Variants in MORN5 observed in about 807,000 individuals in gnomAD.
MORN5 encodes MORN repeat-containing protein 5.
MORN5 carries 21 observed loss-of-function variants against 22.1 expected under a neutral mutation model. The ratio of observed to expected loss-of-function variants is 0.95; its 90% CI spans 0.67 to 1.37. The LOEUF is 1.37. Among genes scored for constraint, MORN5 ranks in the 40% most tolerant of loss-of-function variants. MORN5 has a pLI of 0.00. For missense variants in MORN5, 211 were observed against 215.1 expected (o/e 0.98, Z 0.12); for synonymous variants, 73 against 74.0 (o/e 0.99, Z 0.07).
intron 4 of MORN5, among the ~76,000 whole-genome samples, chr9:122,198,672 A>G (rs1015144311): frequency 6.6e-6 from 1 of 152,326 alleles, no homozygotes; most frequent in African/African-American, 2.4e-5. Flanking sequence ...TTCTCCACGT[A>G]TCTGTGAAGG....
rs915868811 is a variant in MORN5 at position 122,195,647 on chromosome 9, G to A, written c.440-4238G>A. ...TATCAAGGGTCCAGACTGTCACCAC[G>A]ACTTACCAATGTTGCTGTTAACATT... On this transcript the variant is annotated intron_variant, in intron 4 of 4. Transcript: ENST00000373764. Among the ~76,000 whole-genome samples the A allele has an allele frequency of 1.3e-4, 20 of 152,258 alleles. No homozygotes were observed. The South Asian group carries it at 3.9e-3, about 30-fold the overall frequency.
At chr9:122,167,699 T>G (rs1829308302) in intron 2 of MORN5, among the ~76,000 whole-genome samples, 1 of 152,202 alleles carries the variant, frequency 6.6e-6, no homozygotes, top group Non-Finnish European at 1.5e-5. Context: ...TTAGTTGCAT[T>G]AGTTATGTGT....
chr9:122,168,530 G>T (rs1044402519), intron 2 of MORN5, among the ~76,000 whole-genome samples: 6 of 152,194 alleles, frequency 3.9e-5, no homozygotes, highest in African/African-American at 1.4e-4. Context: ...TAAGCCCCAG[G>T]AAGGGGATGT....
chr9:122,160,005 A>C lies in MORN5; in HGVS notation c.33A>C (p.Glu11Asp), dbSNP rs775648008. 29 of 1,613,774 alleles carry C rather than the reference A, an allele frequency of 1.8e-5. No homozygotes were observed. In the South Asian group the frequency reaches 2.9e-4, roughly 16 times the overall value. The change falls in exon 1 of 5, where the codon GAA (glutamate) becomes GAC (aspartate). Residue 11 changes from glutamate (E) to aspartate (D), a missense_variant. Transcript: ENST00000373764. Reference sequence around the variant, plus strand: ...ACACAGGGAGCAAATATATCGGGGAATATGTAGATGGGAGGTAAGGGGCTC... The same window carrying C: ...ACACAGGGAGCAAATATATCGGGGACTATGTAGATGGGAGGTAAGGGGCTC... MEYTGSKYIG[E>D]YVDGRMEGKA...
In MORN5 at chr9:122,178,627, G is replaced by C. The variant is rs985118019; in HGVS notation, c.439+4000G>C. Among the ~76,000 whole-genome samples the C allele has an allele frequency of 4.6e-5, 7 of 152,188 alleles. No homozygotes were observed. The South Asian group carries it at 1.4e-3, about 31-fold the overall frequency. ...TTCTCTTTCTGTAACTGGTCACAAG[G>C]CTGTAGTTAATATTCATAAATTCCT... is the stretch of plus-strand genomic sequence containing the variant. On this transcript the variant is annotated intron_variant, in intron 4 of 4. Coordinates refer to ENST00000373764, the MANE Select transcript of MORN5 (RefSeq NM_198469.4).
intron 2 of MORN5, 134 bp downstream of exon 2, chr9:122,167,049 C>A: frequency 3.9e-6 from 3 of 759,668 alleles, no homozygotes; most frequent in Non-Finnish European, 5.8e-6. Context: ...CTCCCCCACT[C>A]CCCCCACTTT....
At position 122,175,799 on chromosome 9, in the gene MORN5, G is replaced by T. The variant is rs1430275671; in HGVS notation, c.439+1172G>T. 15 of 727,588 alleles carry T rather than the reference G, an allele frequency of 2.1e-5. No homozygotes were observed. The East Asian group carries it at 1.8e-3, about 89-fold the overall frequency. The allele number at this position is 727,588 out of a possible 1,614,324, so 45.1% of individuals were successfully genotyped here. On this transcript the variant is annotated intron_variant, in intron 4 of 4. Transcript: ENST00000373764. The stretch of plus-strand genomic sequence containing the variant: ...TCAGTAAGTCAGTGATGACCAGAAA[G>T]GTGCCTCATGGGGCTAGAATAAGAG...
intron 4 of MORN5, among the ~76,000 whole-genome samples, chr9:122,180,650 C>A (rs1011594848): frequency 2.6e-5 from 4 of 152,178 alleles, no homozygotes; most frequent in Non-Finnish European, 5.9e-5. Context: ...GATTTCACAA[C>A]CTTTTCAAAG....
chr9:122,184,667 C>G (rs1829585919), intron 4 of MORN5, among the ~76,000 whole-genome samples: 1 of 152,146 alleles, frequency 6.6e-6, no homozygotes, highest in South Asian at 2.1e-4. Context: ...TGGTCTAAGC[C>G]CTTTACATAT....
chr9:122,167,159 TGCCTCA>T (rs1469369700), intron 2 of MORN5, among the ~76,000 whole-genome samples: 1 of 150,784 alleles, frequency 6.6e-6, no homozygotes, highest in African/African-American at 2.4e-5. Context: ...GCGAGTCTCC[TGCCTCA>T]GCCTCCCGAG....
At position 122,166,792 on chromosome 9, in the gene MORN5, C is replaced by A. The variant is rs141317577; in HGVS notation, c.72C>A (p.Ile24=). Residue 24 remains isoleucine (I), a synonymous_variant, in exon 2 of 5, where the codon ATC becomes ATA. Transcript: ENST00000373764. ...DGRMEGKAKY[I]LPTETIYVGE... is the part of the protein sequence containing the mutation. ...GGATGGAGGGCAAAGCCAAGTACAT[C>A]CTCCCTACCGAAACAATATATGTTG... is the stretch of plus-strand genomic sequence containing the variant. 2.5e-6 allele frequency: 4 copies of A among 1,613,746 alleles called. No homozygotes were observed. The highest frequency in any genetic ancestry group is 2.5e-6 in the Non-Finnish European group (3 of 1,179,844).
intron 3 of MORN5, among the ~76,000 whole-genome samples, chr9:122,173,154 G>A (rs906449824): frequency 6.6e-6 from 1 of 152,088 alleles, no homozygotes; most frequent in African/African-American, 2.4e-5. Context: ...GGCTCTCCCC[G>A]AACATGCCTG....
intron 1 of MORN5, among the ~76,000 whole-genome samples, chr9:122,162,265 A>AT (rs938532416): frequency 6.6e-6 from 1 of 152,088 alleles, no homozygotes. Context: ...TACTCAATCA[A>AT]TTTTTTTTAA....
rs74628593 is a variant in MORN5 at position 122,178,562 on chromosome 9, C to A, written c.439+3935C>A. 6.6e-5 allele frequency among the ~76,000 whole-genome samples: 10 copies of A among 152,278 alleles called. No individual in the cohort carries two copies. The East Asian group carries it at 1.7e-3, about 26-fold the overall frequency. ...GATGACATAGATACAGATAGACATACACATACAAGCAAGGAGAAAAAACTG... is the reference window on the plus strand; with the variant it reads ...GATGACATAGATACAGATAGACATAAACATACAAGCAAGGAGAAAAAACTG... On this transcript the variant is annotated intron_variant, in intron 4 of 4. Transcript: ENST00000373764.
intron 4 of MORN5, among the ~76,000 whole-genome samples, chr9:122,199,583 C>T (rs937856349): frequency 3.3e-5 from 5 of 152,132 alleles, no homozygotes; most frequent in Admixed American, 1.3e-4. Context: ...GGCAAGTGCC[C>T]GACTGTGAAG....
At chr9:122,180,203 A>T (rs948942069) in intron 4 of MORN5, among the ~76,000 whole-genome samples, 3 of 152,008 alleles carry the variant, frequency 2.0e-5, no homozygotes, top group African/African-American at 4.8e-5. Flanking sequence ...AATGTTTTAC[A>T]TCATGACCCA....
At chr9:122,167,694 T>A (rs140073549) in intron 2 of MORN5, among the ~76,000 whole-genome samples, 2 of 152,312 alleles carry the variant, frequency 1.3e-5, no homozygotes, top group East Asian at 3.9e-4. Context: ...GACAGTTAGT[T>A]GCATTAGTTA....
At chr9:122,191,607 A>T (rs1829768832) in intron 4 of MORN5, among the ~76,000 whole-genome samples, 1 of 151,366 alleles carries the variant, frequency 6.6e-6, no homozygotes, top group Admixed American at 6.6e-5. Context: ...TCCCTTCCCT[A>T]CTCCCCATAC....
chr9:122,193,882 G>T (rs1050146230), intron 4 of MORN5, among the ~76,000 whole-genome samples: 1 of 152,218 alleles, frequency 6.6e-6, no homozygotes, highest in Non-Finnish European at 1.5e-5. Flanking sequence ...GGAGGGAAGC[G>T]GGGAGGGAAG....
Sources: allele counts gnomAD v4.1 joint callset (sites outside exome capture counted in the v4.1 genomes callset), GRCh38; gene constraint gnomAD v4.1.1; transcripts MANE v1.5; gene names NCBI Gene and HGNC (gene_info 2026-07-23, HGNC 2026-07-21).